NKAIN3: variants seen among roughly 807,000 people sequenced by gnomAD.
The protein encoded by NKAIN3 is sodium/potassium transporting ATPase interacting 3.
Under a neutral mutation model 30.2 loss-of-function variants are expected in NKAIN3, and 25 were observed. That is an observed-to-expected ratio of 0.83 (90% CI 0.60 to 1.16). The LOEUF is 1.16. NKAIN3 is among the 50% of genes most tolerant of loss of function. The probability of loss-of-function intolerance (pLI) is 0.00; values close to 1 mark genes in which losing one functional copy is unlikely to be tolerated. For missense variants in NKAIN3, 225 were observed against 254.1 expected (o/e 0.89, Z 0.78); for synonymous variants, 91 against 89.6 (o/e 1.02, Z -0.09).
At chr8:62,486,229 CAGAT>C (rs1356512893) in intron 1 of NKAIN3, among the ~76,000 whole-genome samples, 1 of 152,024 alleles carries the variant, frequency 6.6e-6, no homozygotes, top group East Asian at 1.9e-4. Flanking sequence ...TCGGTTGAGA[CAGAT>C]AGAGTGGACG....
At chr8:62,398,618 G>A (rs1009244471) in intron 1 of NKAIN3, among the ~76,000 whole-genome samples, 8 of 152,246 alleles carry the variant, frequency 5.3e-5, no homozygotes, top group Admixed American at 3.3e-4. Context: ...CCTCAATAGG[G>A]AGATTATTCA....
intron 3 of NKAIN3, among the ~76,000 whole-genome samples, chr8:62,624,784 C>CTT (rs776546497): frequency 8.8e-5 from 12 of 136,582 alleles, no homozygotes; most frequent in South Asian, 2.4e-4. Context: ...GAACATTCTG[C>CTT]TTTTTTTTTT....
At chr8:62,477,852 G>C (rs566006685) in intron 1 of NKAIN3, among the ~76,000 whole-genome samples, 4 of 151,802 alleles carry the variant, frequency 2.6e-5, no homozygotes, top group Non-Finnish European at 5.9e-5. Context: ...AACAGTGAGG[G>C]GATTAGAACA....
intron 1 of NKAIN3, among the ~76,000 whole-genome samples, chr8:62,383,808 A>G (rs1817345293): frequency 6.6e-6 from 1 of 152,110 alleles, no homozygotes; most frequent in East Asian, 1.9e-4. Flanking sequence ...AATACAAGAG[A>G]ATATGTATTT....
chr8:62,345,616 C>CACATATATAT (rs1554669407), intron 1 of NKAIN3, among the ~76,000 whole-genome samples: 1 of 139,784 alleles, frequency 7.2e-6, no homozygotes, highest in African/African-American at 2.9e-5. Context: ...TATGTATATA[C>CACATATATAT]ACACATATAT....
At chr8:62,551,060 C>T (rs1034465020) in intron 1 of NKAIN3, among the ~76,000 whole-genome samples, 1 of 152,098 alleles carries the variant, frequency 6.6e-6, no homozygotes. Context: ...GGCCTTGAAG[C>T]AGAGTAGAGA....
chr8:62,775,178 A>C (rs537137940), intron 4 of NKAIN3, among the ~76,000 whole-genome samples: 1 of 152,022 alleles, frequency 6.6e-6, no homozygotes. Flanking sequence ...TAAACTTTCC[A>C]ATTTATTGTC....
intron 1 of NKAIN3, among the ~76,000 whole-genome samples, chr8:62,353,964 T>A (rs1341690309): frequency 6.6e-6 from 1 of 152,178 alleles, no homozygotes; most frequent in Non-Finnish European, 1.5e-5. Context: ...GAAGCGAGTG[T>A]GCATAAGGGA....
chr8:62,265,688 T>C (rs1478015227), intron 1 of NKAIN3, among the ~76,000 whole-genome samples: 6 of 152,208 alleles, frequency 3.9e-5, no homozygotes, highest in Admixed American at 3.9e-4. Context: ...GCTGGAAAGC[T>C]CTGCATGGTG....
intron 1 of NKAIN3, among the ~76,000 whole-genome samples, chr8:62,442,380 G>C (rs1465621824): frequency 6.6e-6 from 1 of 151,840 alleles, no homozygotes; most frequent in Non-Finnish European, 1.5e-5. Flanking sequence ...ATTGGCATAT[G>C]GATGCACAAA....
intron 3 of NKAIN3, among the ~76,000 whole-genome samples, chr8:62,693,192 T>A (rs554333012): frequency 4.6e-5 from 7 of 152,316 alleles, no homozygotes; most frequent in African/African-American, 1.7e-4. Context: ...CAGAGATAAT[T>A]TGCCTCACTT....
chr8:62,558,148 A>C (rs1464547920), intron 1 of NKAIN3, among the ~76,000 whole-genome samples: 1 of 151,940 alleles, frequency 6.6e-6, no homozygotes, highest in Non-Finnish European at 1.5e-5. Context: ...ATCCCAGCAC[A>C]ACTTGTTGAA....
intron 4 of NKAIN3, among the ~76,000 whole-genome samples, chr8:62,791,850 T>A (rs916574787): frequency 8.5e-5 from 13 of 152,126 alleles, no homozygotes; most frequent in African/African-American, 3.1e-4. Flanking sequence ...ATATATTTTT[T>A]GTTTGTTTTT....
chr8:62,336,737 A>G (rs145612357), intron 1 of NKAIN3, among the ~76,000 whole-genome samples: 7 of 152,150 alleles, frequency 4.6e-5, no homozygotes, highest in Admixed American at 1.3e-4. Context: ...TTTGTAGACT[A>G]AAAAACAGCC....
chr8:62,834,088 C>T (rs1221985565), intron 4 of NKAIN3, among the ~76,000 whole-genome samples: 2 of 152,054 alleles, frequency 1.3e-5, no homozygotes, highest in African/African-American at 4.8e-5. Flanking sequence ...ATGATGATCT[C>T]AATAGATGTA....
In NKAIN3 at chr8:62,681,562, CT is replaced by C. The variant is rs201518530; in HGVS notation, c.274-65365del. Among the ~76,000 whole-genome samples the C allele has an allele frequency of 2.2e-4, 34 of 152,188 alleles. 1 individual carries two copies. In the East Asian group the frequency reaches 5.0e-3, roughly 22 times the overall value. On this transcript the variant is annotated intron_variant, in intron 3 of 6. Coordinates refer to ENST00000623646, the MANE Select transcript of NKAIN3 (RefSeq NM_001304533.3). ...ACCAGACCGTGTGGCCATTTATCTT[CT>C]TTTTGATTCAAAGTGATTAAGTGGG... is the stretch of plus-strand genomic sequence containing the variant.
At chr8:62,746,799 TTTTG>T in intron 3 of NKAIN3, 129 bp from the exon 4 acceptor site, 1 of 620,628 alleles carries the variant, frequency 1.6e-6, no homozygotes, top group Non-Finnish European at 2.8e-6. Context: ...GGGCTTTGTC[TTTTG>T]TTACTTTTCA....
intron 1 of NKAIN3, among the ~76,000 whole-genome samples, chr8:62,370,390 C>A (rs1394647734): frequency 4.6e-5 from 7 of 151,898 alleles, no homozygotes. Flanking sequence ...AAATTTAACT[C>A]CTTAAACTTG....
chr8:62,284,642 TA>T (rs1355928831), intron 1 of NKAIN3, among the ~76,000 whole-genome samples: 2 of 151,696 alleles, frequency 1.3e-5, no homozygotes, highest in Non-Finnish European at 2.9e-5. Flanking sequence ...AATAAATAAA[TA>T]AATAAATAAA....
Sources: gnomAD v4.1 joint callset for allele counts (sites outside exome capture counted in the v4.1 genomes callset) on GRCh38, gnomAD v4.1.1 for gene constraint, MANE v1.5 for transcripts, NCBI Gene and HGNC (gene_info 2026-07-23, HGNC 2026-07-21) for gene names.